The following CNTN4 variants were observed in gnomAD, a reference collection of about 807,000 sequenced individuals.
CNTN4 encodes the protein contactin-4.
In CNTN4, 77 loss-of-function variants were observed where a neutral mutation model predicts 122.5. The ratio of observed to expected loss-of-function variants is 0.63; its 90% CI spans 0.52 to 0.76. The LOEUF is 0.76. CNTN4 is among the 30% of genes least tolerant of loss of function. The pLI is 0.00. For missense variants in CNTN4, 1,256 were observed against 1,259.1 expected (o/e 1.00, Z 0.04); for synonymous variants, 512 against 447.0 (o/e 1.15, Z -1.83).
At chr3:2,434,678 A>G (rs1465733122) in intron 3 of CNTN4, among the ~76,000 whole-genome samples, 1 of 152,162 alleles carries the variant, frequency 6.6e-6, no homozygotes, top group Non-Finnish European at 1.5e-5. Context: ...TGTTGCAGGC[A>G]CTTTATATTG....
chr3:2,144,102 A>G (rs1472481029), intron 2 of CNTN4: 1 of 152,208 alleles, frequency 6.6e-6, no homozygotes, highest in Non-Finnish European at 1.5e-5. Flanking sequence ...AGAAAGAAAT[A>G]GAGGGTGTAG....
chr3:2,873,755 A>C (rs1432752077), intron 8 of CNTN4, among the ~76,000 whole-genome samples: 1 of 152,222 alleles, frequency 6.6e-6, no homozygotes, highest in East Asian at 1.9e-4. Flanking sequence ...CCAGTCATTT[A>C]GGAGATCTCT....
At chr3:2,954,604 C>T (rs1328492142) in intron 13 of CNTN4, among the ~76,000 whole-genome samples, 1 of 151,924 alleles carries the variant, frequency 6.6e-6, no homozygotes, top group Non-Finnish European at 1.5e-5. Context: ...TTCTCTCCCC[C>T]TTTCACTGAG....
chr3:2,230,966 C>T (rs538721549), intron 2 of CNTN4, among the ~76,000 whole-genome samples: 20 of 151,764 alleles, frequency 1.3e-4, no homozygotes, highest in South Asian at 4.2e-4. Context: ...CCAGCCTGGG[C>T]GACAAAGCGA....
rs549048204 is a variant in CNTN4 at position 2,171,758 on chromosome 3, A to G, written c.-145+71119A>G. Among the ~76,000 whole-genome samples, 70 of 152,338 alleles carry G rather than the reference A, an allele frequency of 4.6e-4. 2 individuals are homozygous for G. The South Asian group carries it at 0.015, about 32-fold the overall frequency. ...GTCACATCAAAAACCATGAAAGACAAGAAAAGATCATTAGTATACTGTATT... is the reference window on the plus strand; with the variant it reads ...GTCACATCAAAAACCATGAAAGACAGGAAAAGATCATTAGTATACTGTATT... On this transcript the variant is annotated intron_variant, in intron 2 of 24. Transcript: ENST00000418658.
rs181854341 is a variant in CNTN4 at position 2,989,577 on chromosome 3, T to G, written c.1486+1105T>G. On this transcript the variant is annotated intron_variant, in intron 14 of 24. Coordinates refer to ENST00000418658, the MANE Select transcript of CNTN4 (RefSeq NM_175607.3). ...GGAAATGTACTACTCTTTTGGGAAG[T>G]CTTTTTATCATTAACATACTTGACC... 1.6e-3 allele frequency among the ~76,000 whole-genome samples: 251 copies of G among 152,316 alleles called. 6 individuals carry two copies. The highest frequency in any genetic ancestry group is 0.015 in the Admixed American group (227 of 15,296).
chr3:2,757,975 C>G (rs1231529942), intron 6 of CNTN4, among the ~76,000 whole-genome samples: 2 of 152,202 alleles, frequency 1.3e-5, no homozygotes, highest in Non-Finnish European at 2.9e-5. Context: ...GCATTGTTAT[C>G]TGTCATTAGC....
intron 6 of CNTN4, among the ~76,000 whole-genome samples, chr3:2,806,307 C>G (rs1209661606): frequency 2.0e-5 from 3 of 152,198 alleles, no homozygotes; most frequent in Non-Finnish European, 4.4e-5. Context: ...ATGTGCGTAT[C>G]ATATCTGGAT....
At chr3:2,207,071 T>A (rs576190439) in intron 2 of CNTN4, among the ~76,000 whole-genome samples, 183 of 152,166 alleles carry the variant, frequency 1.2e-3, no homozygotes, top group African/African-American at 4.1e-3. Context: ...GCTTTCATGT[T>A]ACTATTGTAA....
chr3:2,206,808 A>G (rs1451991090), intron 2 of CNTN4, among the ~76,000 whole-genome samples: 1 of 151,520 alleles, frequency 6.6e-6, no homozygotes, highest in Non-Finnish European at 1.5e-5. Flanking sequence ...AAACTGCCTT[A>G]ATATAGAAAT....
intron 3 of CNTN4, among the ~76,000 whole-genome samples, chr3:2,408,117 G>T (rs959355454): frequency 9.2e-5 from 14 of 152,160 alleles, no homozygotes; most frequent in Admixed American, 5.2e-4. Flanking sequence ...AGACAACTGT[G>T]TCATACAGTA....
chr3:2,809,898 G>C (rs1321151286), intron 6 of CNTN4, among the ~76,000 whole-genome samples: 1 of 152,124 alleles, frequency 6.6e-6, no homozygotes, highest in Non-Finnish European at 1.5e-5. Flanking sequence ...GTATGTCAAA[G>C]AAATGAGGAA....
In CNTN4 at chr3:2,556,518, T is replaced by A. The variant is rs182787652; in HGVS notation, c.-88-14898T>A. Among the ~76,000 whole-genome samples, 305 of 152,292 alleles carry A rather than the reference T, an allele frequency of 2.0e-3. 1 individual carries two copies. Among genetic ancestry groups the A allele is most frequent in the African/African-American group, 7.1e-3 (297 of 41,576 alleles). ...TAAAAGGATGTGCAGTAGGTTTTTTTATAAACAAGTAGGGTTTTTATAAAC... is the reference window on the plus strand; with the variant it reads ...TAAAAGGATGTGCAGTAGGTTTTTTAATAAACAAGTAGGGTTTTTATAAAC... On this transcript the variant is annotated intron_variant, in intron 3 of 24. Transcript: ENST00000418658.
chr3:2,450,305 T>C (rs1302765880), intron 3 of CNTN4, among the ~76,000 whole-genome samples: 2 of 151,938 alleles, frequency 1.3e-5, no homozygotes, highest in South Asian at 4.1e-4. Flanking sequence ...AGGTCAAGGC[T>C]GCAGTGAGCT....
intron 2 of CNTN4, among the ~76,000 whole-genome samples, chr3:2,332,833 C>T (rs932986406): frequency 3.3e-5 from 5 of 151,690 alleles, no homozygotes; most frequent in African/African-American, 1.2e-4. Context: ...ACATATGTAA[C>T]TAACCTGCAC....
intron 3 of CNTN4, among the ~76,000 whole-genome samples, chr3:2,521,351 A>ACCCCCACCCACCCC (rs1559632310): frequency 1.7e-5 from 2 of 115,200 alleles, no homozygotes; most frequent in African/African-American, 6.7e-5. Flanking sequence ...CATCCCCCCC[A>ACCCCCACCCACCCC]CCCCCCGCAA....
intron 2 of CNTN4, among the ~76,000 whole-genome samples, chr3:2,255,896 A>C (rs750862087): frequency 5.1e-4 from 77 of 152,212 alleles, no homozygotes; most frequent in Non-Finnish European, 9.0e-4. Context: ...AAGCAAAAGC[A>C]AACAAATTCA....
chr3:2,453,063 G>A (rs2048886707), intron 3 of CNTN4, among the ~76,000 whole-genome samples: 1 of 152,062 alleles, frequency 6.6e-6, no homozygotes. Context: ...CACTGAAGCA[G>A]TGTTAACAGA....
At chr3:2,670,140 A>G (rs1333513346) in intron 4 of CNTN4, among the ~76,000 whole-genome samples, 2 of 152,140 alleles carry the variant, frequency 1.3e-5, no homozygotes, top group Admixed American at 1.3e-4. Context: ...CAATTCCTGG[A>G]TATCCTTGTT....
Sources: gnomAD v4.1 joint callset for allele counts (sites outside exome capture counted in the v4.1 genomes callset) on GRCh38, gnomAD v4.1.1 for gene constraint, MANE v1.5 for transcripts, NCBI Gene and HGNC (gene_info 2026-07-23, HGNC 2026-07-21) for gene names.